The following MACROD2 variants were observed in gnomAD, a reference collection of about 807,000 sequenced individuals.
MACROD2 encodes mono-ADP ribosylhydrolase 2.
MACROD2 carries 36 observed loss-of-function variants against 70.4 expected under a neutral mutation model. That is an observed-to-expected ratio of 0.51 (90% confidence interval 0.39 to 0.68). The LOEUF is 0.68. Ranked by LOEUF, MACROD2 falls within the 30% of genes least tolerant of loss-of-function variation. MACROD2 has a pLI of 0.00. For missense variants in MACROD2, 496 were observed against 538.4 expected, an observed-to-expected ratio of 0.92 and a Z score of 0.78; for synonymous variants, 172 against 178.8, an observed-to-expected ratio of 0.96 and a Z score of 0.30.
intron 5 of MACROD2, among the ~76,000 whole-genome samples, chr20:15,000,362 G>A (rs1458089556): frequency 2.3e-5 from 3 of 130,736 alleles, no homozygotes; most frequent in Non-Finnish European, 4.7e-5. Flanking sequence ...GGTGGCTCAC[G>A]CCTGTAGTCC....
intron 5 of MACROD2, among the ~76,000 whole-genome samples, chr20:14,824,755 G>A (rs2072883609): frequency 6.6e-6 from 1 of 151,994 alleles, no homozygotes; most frequent in South Asian, 2.1e-4. Flanking sequence ...CAATTGGGAG[G>A]GGCTACCCAT....
At chr20:15,560,164 A>G (rs778200298) in intron 8 of MACROD2, among the ~76,000 whole-genome samples, 3 of 152,158 alleles carry the variant, frequency 2.0e-5, no homozygotes, top group Admixed American at 2.0e-4. Flanking sequence ...CTGTTCGCCT[A>G]TTTGTGGCTG....
At chr20:14,347,611 T>C (rs1364436808) in intron 3 of MACROD2, among the ~76,000 whole-genome samples, 5 of 152,120 alleles carry the variant, frequency 3.3e-5, no homozygotes, top group Non-Finnish European at 7.4e-5. Context: ...GGAAGAGAGA[T>C]GAGGCTTTCC....
chr20:16,004,296 G>A (rs764938711), intron 15 of MACROD2, among the ~76,000 whole-genome samples: 1 of 152,146 alleles, frequency 6.6e-6, no homozygotes, highest in Non-Finnish European at 1.5e-5. Flanking sequence ...CAGGTGATAT[G>A]GACAAGGGAA....
At chr20:14,179,787 A>C (rs147761631) in intron 3 of MACROD2, among the ~76,000 whole-genome samples, 45 of 152,320 alleles carry the variant, frequency 3.0e-4, no homozygotes, top group African/African-American at 1.1e-3. Context: ...CATTTTAAAA[A>C]GACTCAGTAG....
chr20:14,823,597 G>A (rs2122215176), intron 5 of MACROD2, among the ~76,000 whole-genome samples: 1 of 152,164 alleles, frequency 6.6e-6, no homozygotes, highest in Non-Finnish European at 1.5e-5. Flanking sequence ...GGGAAACCAA[G>A]AGAGTTGTCC....
At chr20:15,013,642 C>A (rs1022499339) in intron 5 of MACROD2, among the ~76,000 whole-genome samples, 45 of 152,108 alleles carry the variant, frequency 3.0e-4, no homozygotes, top group Middle Eastern at 3.2e-3. Flanking sequence ...CCATCTTCAG[C>A]GTTCCTTCTA....
intron 5 of MACROD2, chr20:15,196,778 C>A: frequency 1.4e-6 from 1 of 697,208 alleles, no homozygotes; most frequent in Non-Finnish European, 1.8e-6. Flanking sequence ...AGGAAGTACC[C>A]ACTTCAGCCA....
At chr20:14,760,483 G>A (rs1301504452) in intron 5 of MACROD2, among the ~76,000 whole-genome samples, 1 of 152,032 alleles carries the variant, frequency 6.6e-6, no homozygotes, top group African/African-American at 2.4e-5. Context: ...GTCAGTGGAA[G>A]TTATTAATAC....
intron 3 of MACROD2, among the ~76,000 whole-genome samples, chr20:14,138,743 G>A (rs80346953): frequency 0.012 from 1,786 of 150,034 alleles, 31 homozygotes; most frequent in African/African-American, 0.04. Flanking sequence ...AATTTGCTAA[G>A]AGAATAGATC....
chr20:15,365,420 C>T (rs1181662028), intron 6 of MACROD2, among the ~76,000 whole-genome samples: 2 of 152,034 alleles, frequency 1.3e-5, no homozygotes, highest in African/African-American at 4.8e-5. Flanking sequence ...AATCCCAGCC[C>T]TTTGGGAGGC....
chr20:15,738,439 G>A (rs933960598), intron 8 of MACROD2, among the ~76,000 whole-genome samples: 3 of 152,108 alleles, frequency 2.0e-5, no homozygotes, highest in Admixed American at 6.5e-5. Context: ...AAGAGGACAC[G>A]TTTCACAGAA....
intron 4 of MACROD2, among the ~76,000 whole-genome samples, chr20:14,581,149 A>T (rs1980989039): frequency 6.6e-6 from 1 of 152,222 alleles, no homozygotes; most frequent in African/African-American, 2.4e-5. Context: ...TGCTTGAATT[A>T]AAGGAAAAAC....
intron 3 of MACROD2, among the ~76,000 whole-genome samples, chr20:14,146,203 A>C (rs2148708561): frequency 6.6e-6 from 1 of 152,230 alleles, no homozygotes; most frequent in South Asian, 2.1e-4. Flanking sequence ...CTGTAGTCCC[A>C]GCTACTCAGA....
intron 3 of MACROD2, chr20:14,352,457 A>G (rs1418769081): frequency 1.3e-5 from 2 of 152,164 alleles, no homozygotes; most frequent in South Asian, 2.1e-4. Flanking sequence ...CTAAATCTTT[A>G]TGCTTATTAT....
chr20:14,385,216 A>G (rs1013151475), intron 3 of MACROD2, among the ~76,000 whole-genome samples: 1 of 152,144 alleles, frequency 6.6e-6, no homozygotes, highest in Non-Finnish European at 1.5e-5. Flanking sequence ...ATGGAAACAT[A>G]GATAGAATAA....
intron 5 of MACROD2, among the ~76,000 whole-genome samples, chr20:15,090,736 C>T (rs1161976921): frequency 1.3e-5 from 2 of 151,834 alleles, no homozygotes; most frequent in Admixed American, 1.3e-4. Flanking sequence ...ATGAAAGAAG[C>T]CCATGCAGGA....
intron 5 of MACROD2, among the ~76,000 whole-genome samples, chr20:15,037,158 G>A (rs1043181403): frequency 4.6e-5 from 7 of 151,986 alleles, no homozygotes; most frequent in African/African-American, 4.8e-5. Context: ...CATGTGGTTT[G>A]CCCTCTGAAG....
intron 5 of MACROD2, among the ~76,000 whole-genome samples, chr20:14,694,553 TTTC>T (rs2071099823): frequency 6.6e-6 from 1 of 152,162 alleles, no homozygotes; most frequent in South Asian, 2.1e-4. Context: ...AAAATAAAAG[TTTC>T]TTATCTCATA....
Sources: allele counts gnomAD v4.1 joint callset (sites outside exome capture counted in the v4.1 genomes callset), GRCh38; gene constraint gnomAD v4.1.1; transcripts MANE v1.5; gene names NCBI Gene and HGNC (gene_info 2026-07-23, HGNC 2026-07-21).